Variants in SSH1 observed in about 807,000 individuals in gnomAD.
SSH1 encodes the protein slingshot protein phosphatase 1, also known as protein phosphatase Slingshot homolog 1.
Under a neutral mutation model 79.7 loss-of-function variants are expected in SSH1, and 43 were observed. The ratio of observed to expected loss-of-function variants is 0.54; its 90% CI spans 0.42 to 0.70. SSH1 has a LOEUF of 0.70. Among genes scored for constraint, SSH1 ranks in the 30% least tolerant of loss-of-function variants. The probability of loss-of-function intolerance (pLI) is 0.00; values close to 1 mark genes in which losing one functional copy is unlikely to be tolerated. For missense variants in SSH1, 1,206 were observed against 1,358.8 expected (o/e 0.89, Z 1.77); for synonymous variants, 599 against 538.3 (o/e 1.11, Z -1.56).
intron 8 of SSH1, 26 bp from the exon 9 acceptor site, chr12:108,806,420 G>C: frequency 6.2e-7 from 1 of 1,604,206 alleles, no homozygotes; most frequent in Non-Finnish European, 8.5e-7. Context: ...GTTTAGGAGA[G>C]CAAGGAGCTG....
intron 10 of SSH1, among the ~76,000 whole-genome samples, chr12:108,802,988 T>C (rs1037679965): frequency 5.3e-5 from 8 of 152,180 alleles, no homozygotes; most frequent in African/African-American, 1.9e-4. Flanking sequence ...ATCTTCATGA[T>C]GGAGTCTTTA....
chr12:108,800,818 G>C lies in SSH1; in HGVS notation c.1110C>G (p.Ala370=), dbSNP rs1475359325. ...TAAAATGATACGCTTCATTCCAGTG[G>C]GCGAGGAGGTCTGTGGTCTCTTCAT... ...VYDEETTDLL[A]HWNEAYHFIN... is the part of the protein sequence containing the mutation. Residue 370 remains alanine (A), a synonymous_variant, in exon 12 of 15, where the codon GCC becomes GCG. Transcript: ENST00000326495. 1 of 1,614,128 alleles carries C rather than the reference G, an allele frequency of 6.2e-7. No homozygotes were observed.
intron 2 of SSH1, among the ~76,000 whole-genome samples, chr12:108,843,985 A>G (rs529727056): frequency 2.0e-5 from 3 of 152,224 alleles, no homozygotes; most frequent in Non-Finnish European, 4.4e-5. Context: ...AACACTAAGG[A>G]GAGAAAAACG....
chr12:108,807,572 G>C lies in SSH1; in HGVS notation c.731+61C>G. 6.4e-7 allele frequency: 1 copy of C among 1,559,540 alleles called. No homozygotes were observed. The highest frequency in any genetic ancestry group is 8.8e-7 in the Non-Finnish European group (1 of 1,133,780). On this transcript the variant is annotated intron_variant, in intron 8 of 14. Coordinates refer to ENST00000326495, the MANE Select transcript of SSH1 (RefSeq NM_018984.4). The surrounding 1 kb of genome is among the most constrained non-coding windows in gnomAD (Gnocchi z 5.2). ...AGGTTCAGGGTCGGGCACAGGGCAG[G>C]TGGGGGAGAGGCAGGTGCCTGTGGG...
In SSH1 at chr12:108,811,457, A is replaced by G. The variant is rs1409770952; in HGVS notation, c.402-129T>C. 3 of 792,328 alleles carry G rather than the reference A, an allele frequency of 3.8e-6. No individual in the cohort carries two copies. In the Admixed American group the frequency reaches 5.8e-5, roughly 15 times the overall value. 49.1% of individuals were successfully genotyped at this position (792,328 alleles called of 1,614,324 possible). Reference sequence around the variant, plus strand: ...GTGGGAGTAGGCTGTCTGCATAGGAACCGTTCACTGATGAATTCTAGAAGA... The same window carrying G: ...GTGGGAGTAGGCTGTCTGCATAGGAGCCGTTCACTGATGAATTCTAGAAGA... On this transcript the variant is annotated intron_variant, in intron 5 of 14. Coordinates refer to ENST00000326495, the MANE Select transcript of SSH1 (RefSeq NM_018984.4).
Position 108,789,087 on chromosome 12 carries a change from G to A in SSH1, c.2051C>T (p.Pro684Leu). 1 of 1,613,634 alleles carries A rather than the reference G, an allele frequency of 6.2e-7. No individual in the cohort carries two copies. Among genetic ancestry groups the A allele is most frequent in the Non-Finnish European group, 8.5e-7 (1 of 1,179,666 alleles). ...GGCCACAGGGGAGGACGTGATGTGG[G>A]GTAGGAAGGCTGGCTGGGTGCAGAT... ...PAICTQPAFL[P>L]HITSSPVAHL... The change falls in exon 15 of 15, where the codon CCC (proline) becomes CTC (leucine). Residue 684 changes from proline to leucine, a missense_variant. By Grantham distance (98) the Pro-to-Leu change is moderately conservative. Coordinates refer to ENST00000326495, the MANE Select transcript of SSH1 (RefSeq NM_018984.4).
intron 12 of SSH1, among the ~76,000 whole-genome samples, chr12:108,799,570 A>G (rs939541160): frequency 6.6e-6 from 1 of 152,156 alleles, no homozygotes; most frequent in Non-Finnish European, 1.5e-5. Flanking sequence ...TCCTGAGACG[A>G]GAGTGGGCAG....
chr12:108,813,872 T>C (rs1275133858), intron 5 of SSH1, among the ~76,000 whole-genome samples: 1 of 151,816 alleles, frequency 6.6e-6, no homozygotes, highest in Non-Finnish European at 1.5e-5. Context: ...GAATCCACGA[T>C]TGAACCCTAA....
rs2038611006 is a variant in SSH1 at position 108,836,009 on chromosome 12, A to ATTATAT, written c.111-12649_111-12648insATATAA. Among the ~76,000 whole-genome samples the ATTATAT allele has an allele frequency of 5.4e-5, 8 of 147,666 alleles. No homozygotes were observed. The South Asian group carries it at 1.5e-3, about 27-fold the overall frequency. ...TATAACTATATTAATATAATCGATTATAACTATATTAATATAATCGATTAT... is the reference window on the plus strand; with the variant it reads ...TATAACTATATTAATATAATCGATTATTATATTAACTATATTAATATAATCGATTAT... On this transcript the variant is annotated intron_variant, in intron 2 of 14. Transcript: ENST00000326495.
At chr12:108,827,683 G>T in intron 2 of SSH1, 1 of 611,538 alleles carries the variant, frequency 1.6e-6, no homozygotes, top group East Asian at 5.1e-5. Context: ...ATTCGACATT[G>T]TGAGGGCAAA....
rs182975681 is a variant in SSH1 at position 108,821,088 on chromosome 12, C to A, written c.214+2170G>T. ...GCAGAATAATTAGCAAATTCAAGAA[C>A]GAAGAATCTGGCTGAGTATGGCACC... On this transcript the variant is annotated intron_variant, in intron 3 of 14. Transcript: ENST00000326495. 3.9e-5 allele frequency among the ~76,000 whole-genome samples: 6 copies of A among 152,172 alleles called. No individual in the cohort carries two copies. In the East Asian group the frequency reaches 9.6e-4, roughly 24 times the overall value.
intron 2 of SSH1, 69 bp from the exon 3 acceptor site, chr12:108,823,430 C>T: frequency 1.5e-6 from 2 of 1,325,512 alleles, no homozygotes; most frequent in South Asian, 1.3e-5. Context: ...AGAATTACTG[C>T]AGGGGAAAAA....
chr12:108,815,655 T>C (rs896853981), intron 5 of SSH1, among the ~76,000 whole-genome samples: 1 of 152,184 alleles, frequency 6.6e-6, no homozygotes, highest in Non-Finnish European at 1.5e-5. Flanking sequence ...CCCATCCTAA[T>C]GGACCATGCC....
chr12:108,791,071 T>G (rs900282911), intron 14 of SSH1, among the ~76,000 whole-genome samples: 1 of 152,258 alleles, frequency 6.6e-6, no homozygotes, highest in Non-Finnish European at 1.5e-5. Context: ...GAGTCTAAGT[T>G]GGAAGGCTGG....
intron 13 of SSH1, among the ~76,000 whole-genome samples, chr12:108,793,383 T>C (rs1439321618): frequency 1.3e-5 from 2 of 151,238 alleles, no homozygotes; most frequent in Admixed American, 6.6e-5. Flanking sequence ...TATGATGACA[T>C]TGTTTTTATA....
rs532963570 is a variant in SSH1, at chr12:108,783,993, G to A, written c.*3995C>T. On this transcript the variant is annotated 3_prime_UTR_variant, in exon 15 of 15. Transcript: ENST00000326495. The stretch of plus-strand genomic sequence containing the variant: ...CCCTCGCTGAGTTGCGTGTTTAGAG[G>A]AGCCCTGCTAGGTGGCCAGCCAATG... The A allele has an allele frequency of 5.4e-4, 83 of 152,346 alleles. No individual in the cohort carries two copies. Among genetic ancestry groups the A allele is most frequent in the African/African-American group, 2.0e-3 (83 of 41,562 alleles). 9.4% of individuals were successfully genotyped at this position (152,346 alleles called of 1,614,324 possible). A position where few individuals can be genotyped will look rare whatever the true frequency, so the allele number is the denominator to read the frequency against.
At chr12:108,814,406 A>G (rs572632448) in intron 5 of SSH1, among the ~76,000 whole-genome samples, 1 of 152,110 alleles carries the variant, frequency 6.6e-6, no homozygotes, top group East Asian at 1.9e-4. Flanking sequence ...GAATTTAGAA[A>G]AAACAAGTAC....
At chr12:108,827,416 T>A (rs746768099) in intron 2 of SSH1, 20 of 1,407,262 alleles carry the variant, frequency 1.4e-5, no homozygotes, top group Non-Finnish European at 1.6e-5. Flanking sequence ...CTGCTCCCTA[T>A]GGAGATCAGG....
chr12:108,789,699 G>A (rs770716797), intron 14 of SSH1, among the ~76,000 whole-genome samples: 7 of 152,166 alleles, frequency 4.6e-5, no homozygotes, highest in Non-Finnish European at 1.0e-4. Flanking sequence ...CTTCAGCTGA[G>A]GCTTCTGGGA....
Sources: gnomAD v4.1 joint callset for allele counts (sites outside exome capture counted in the v4.1 genomes callset) on GRCh38, gnomAD v4.1.1 for gene constraint, Gnocchi (gnomAD v3.1) non-coding constraint, MANE v1.5 for transcripts, NCBI Gene and HGNC (gene_info 2026-07-23, HGNC 2026-07-21) for gene names.